CSMD1: variants seen among roughly 807,000 people sequenced by gnomAD.
CSMD1 encodes the protein CUB and sushi domain-containing protein 1.
Under a neutral mutation model 417.5 loss-of-function variants are expected in CSMD1, and 213 were observed. The observed-to-expected ratio is 0.51, with a 90% CI of 0.46 to 0.57. The LOEUF (loss-of-function observed/expected upper bound fraction) is 0.57, where lower values mean the gene tolerates loss of function less well. Among genes scored for constraint, CSMD1 ranks in the 20% least tolerant of loss-of-function variants. The probability of loss-of-function intolerance (pLI) is 0.00; values close to 1 mark genes in which losing one functional copy is unlikely to be tolerated. For synonymous variants in CSMD1, 2,862 were observed against 1,736.8 expected (o/e 1.65, Z -16.11); for missense variants, 6,923 against 4,529.7 (o/e 1.53, Z -15.17).
At chr8:4,197,621 G>A (rs1799414963) in intron 3 of CSMD1, among the ~76,000 whole-genome samples, 3 of 152,186 alleles carry the variant, frequency 2.0e-5, no homozygotes, top group East Asian at 1.9e-4. Flanking sequence ...GCTCATGCCT[G>A]AAATCCCAGC....
intron 2 of CSMD1, among the ~76,000 whole-genome samples, chr8:4,551,149 G>A (rs970043787): frequency 1.3e-5 from 2 of 152,142 alleles, no homozygotes; most frequent in African/African-American, 2.4e-5. Flanking sequence ...ACATCTATGT[G>A]GAGATCCTGT....
intron 2 of CSMD1, among the ~76,000 whole-genome samples, chr8:4,488,768 G>A (rs1029766695): frequency 6.6e-6 from 1 of 152,022 alleles, no homozygotes; most frequent in South Asian, 2.1e-4. Context: ...TATGACCCGC[G>A]TCCTGCGTAT....
intron 26 of CSMD1, among the ~76,000 whole-genome samples, chr8:3,235,367 A>G (rs7002936): frequency 0.099 from 15,093 of 152,210 alleles, 829 homozygotes; most frequent in African/African-American, 0.14. Context: ...GTTTTACACA[A>G]AGGTGCACAG....
chr8:4,715,666 T>A (rs1270358473), intron 1 of CSMD1, among the ~76,000 whole-genome samples: 1 of 152,292 alleles, frequency 6.6e-6, no homozygotes, highest in East Asian at 1.9e-4. Flanking sequence ...AGATTCATCT[T>A]AATTTTGGCA....
intron 5 of CSMD1, among the ~76,000 whole-genome samples, chr8:3,918,244 TTTG>T (rs889734901): frequency 2.6e-5 from 4 of 151,894 alleles, no homozygotes; most frequent in Admixed American, 2.0e-4. Context: ...TATGGTAGGT[TTTG>T]TTGTTGTTGT....
At chr8:3,459,770 G>A (rs1816382918) in intron 12 of CSMD1, among the ~76,000 whole-genome samples, 1 of 152,018 alleles carries the variant, frequency 6.6e-6, no homozygotes, top group South Asian at 2.1e-4. Flanking sequence ...AACAGATTTG[G>A]GTCCAGGAAT....
At chr8:4,613,909 C>G (rs1274687928) in intron 2 of CSMD1, among the ~76,000 whole-genome samples, 1 of 148,152 alleles carries the variant, frequency 6.7e-6, no homozygotes, top group African/African-American at 2.5e-5. Context: ...ATCTTCTGTA[C>G]TTGAAATTTA....
chr8:3,851,704 C>T (rs1295923575), intron 5 of CSMD1, among the ~76,000 whole-genome samples: 1 of 151,890 alleles, frequency 6.6e-6, no homozygotes, highest in African/African-American at 2.4e-5. Context: ...GAGAAAAAAG[C>T]AGAAGATAAA....
chr8:3,020,474 A>T lies in CSMD1; in HGVS notation c.7856-1824T>A, dbSNP rs532108082. On this transcript the variant is annotated intron_variant, in intron 51 of 69. Transcript: ENST00000635120. The stretch of plus-strand genomic sequence containing the variant: ...AGCCCTGACCTCCTGGGTTCAAGAC[A>T]TCCTTCTGCTCAGCCTCCCAAGTAC... Among the ~76,000 whole-genome samples the T allele has an allele frequency of 4.5e-4, 69 of 152,170 alleles. 1 individual carries two copies. In the Middle Eastern group the frequency reaches 0.01, roughly 23 times the overall value.
intron 3 of CSMD1, among the ~76,000 whole-genome samples, chr8:4,335,566 C>T (rs1310642813): frequency 1.3e-5 from 2 of 152,092 alleles, no homozygotes; most frequent in Non-Finnish European, 2.9e-5. Flanking sequence ...AAACCTGTCA[C>T]TATCAGTCTT....
At chr8:4,019,177 C>A (rs1003769515) in intron 4 of CSMD1, among the ~76,000 whole-genome samples, 8 of 152,292 alleles carry the variant, frequency 5.3e-5, no homozygotes, top group African/African-American at 1.9e-4. Context: ...AGCAGCTCAA[C>A]AGTCCAAGAC....
intron 1 of CSMD1, among the ~76,000 whole-genome samples, chr8:4,712,609 G>A (rs552292114): frequency 6.6e-6 from 1 of 152,294 alleles, no homozygotes; most frequent in South Asian, 2.1e-4. Context: ...TTAAGATCTA[G>A]GATTTGTTTA....
chr8:4,746,429 G>C (rs183026031), intron 1 of CSMD1, among the ~76,000 whole-genome samples: 4 of 152,120 alleles, frequency 2.6e-5, no homozygotes, highest in Admixed American at 2.6e-4. Context: ...TTCTTCTTGC[G>C]AATGGAAGTG....
At chr8:4,784,716 G>A (rs1039989986) in intron 1 of CSMD1, among the ~76,000 whole-genome samples, 1 of 152,124 alleles carries the variant, frequency 6.6e-6, no homozygotes, top group African/African-American at 2.4e-5. Context: ...ATAATGTATT[G>A]GAATGTTAAT....
intron 1 of CSMD1, among the ~76,000 whole-genome samples, chr8:4,888,776 A>C (rs1375792747): frequency 6.6e-6 from 1 of 152,122 alleles, no homozygotes; most frequent in African/African-American, 2.4e-5. Context: ...AACATTTCCA[A>C]AAATCACAGG....
rs1799838818 is a variant in CSMD1 at position 4,330,984 on chromosome 8, C to T, written c.415+88969G>A. Among the ~76,000 whole-genome samples the T allele has an allele frequency of 2.0e-5, 3 of 152,098 alleles. No homozygotes were observed. In the South Asian group the frequency reaches 6.2e-4, roughly 31 times the overall value. On this transcript the variant is annotated intron_variant, in intron 3 of 69. Transcript: ENST00000635120. ...TGCAAGACCCCCCGACATATACAGCCGCCTTTGTGTTACTGTGCCGTAAGT... is the reference window on the plus strand; with the variant it reads ...TGCAAGACCCCCCGACATATACAGCTGCCTTTGTGTTACTGTGCCGTAAGT...
At chr8:3,688,003 T>A (rs548859312) in intron 7 of CSMD1, among the ~76,000 whole-genome samples, 14 of 152,354 alleles carry the variant, frequency 9.2e-5, no homozygotes, top group East Asian at 1.9e-4. Flanking sequence ...TTCTCTCTTT[T>A]AAATCTGCAA....
intron 1 of CSMD1, among the ~76,000 whole-genome samples, chr8:4,779,377 C>T (rs1797033504): frequency 6.6e-6 from 1 of 152,124 alleles, no homozygotes; most frequent in Non-Finnish European, 1.5e-5. Context: ...CAGAAGAGTT[C>T]ATAATCCCTT....
chr8:3,258,088 C>T (rs573122019), intron 26 of CSMD1, among the ~76,000 whole-genome samples: 1 of 151,996 alleles, frequency 6.6e-6, no homozygotes, highest in East Asian at 1.9e-4. Context: ...ATAGGTATGT[C>T]CAATAAGGTT....
Sources: allele counts gnomAD v4.1 joint callset (sites outside exome capture counted in the v4.1 genomes callset), GRCh38; gene constraint gnomAD v4.1.1; transcripts MANE v1.5; gene names NCBI Gene and HGNC (gene_info 2026-07-23, HGNC 2026-07-21).